Variants in TIMP3 observed in about 807,000 individuals in gnomAD.
TIMP3 encodes metalloproteinase inhibitor 3.
A neutral mutation model predicts 30.0 loss-of-function variants in TIMP3; 11 were observed. The observed-to-expected ratio is 0.37, with a 90% CI of 0.23 to 0.61. The LOEUF (loss-of-function observed/expected upper bound fraction) is 0.61, where lower values mean the gene tolerates loss of function less well. TIMP3 is among the 20% of genes least tolerant of loss of function. TIMP3 has a pLI of 0.70. For synonymous variants in TIMP3, 112 were observed against 111.3 expected, an observed-to-expected ratio of 1.01 and a Z score of -0.04; for missense variants, 181 against 276.8, an observed-to-expected ratio of 0.65 and a Z score of 2.45.
intron 1 of TIMP3, among the ~76,000 whole-genome samples, chr22:32,832,556 CA>C (rs2047606393): frequency 8.5e-6 from 1 of 117,522 alleles, no homozygotes; most frequent in Non-Finnish European, 1.8e-5. Context: ...TTTTTTTTTT[CA>C]AAAAAATTAT....
chr22:32,835,052 C>A (rs898420210), intron 1 of TIMP3, among the ~76,000 whole-genome samples: 1 of 152,188 alleles, frequency 6.6e-6, no homozygotes, highest in African/African-American at 2.4e-5. Context: ...TTTCCATTGC[C>A]TGGACCATCC....
At chr22:32,822,107 A>C (rs1477916118) in intron 1 of TIMP3, among the ~76,000 whole-genome samples, 7 of 149,510 alleles carry the variant, frequency 4.7e-5, no homozygotes, top group Admixed American at 2.7e-4. Flanking sequence ...ATGAGCCGAG[A>C]TCGCACCATT....
chr22:32,824,505 C>T (rs576785476), intron 1 of TIMP3, among the ~76,000 whole-genome samples: 8 of 152,010 alleles, frequency 5.3e-5, no homozygotes, highest in Non-Finnish European at 1.2e-4. Context: ...CTGGAGCTCA[C>T]TGAAGAATCA....
At chr22:32,810,238 C>T (rs117533839) in intron 1 of TIMP3, among the ~76,000 whole-genome samples, 1 of 152,168 alleles carries the variant, frequency 6.6e-6, no homozygotes. Flanking sequence ...CCCAGAGAAC[C>T]TTTCCTGACC....
At chr22:32,829,912 G>C (rs924154149) in intron 1 of TIMP3, among the ~76,000 whole-genome samples, 10 of 152,222 alleles carry the variant, frequency 6.6e-5, no homozygotes, top group African/African-American at 2.4e-4. Context: ...TGAGAAATGA[G>C]CATTTTCCAG....
chr22:32,824,885 T>C (rs1186386347), intron 1 of TIMP3, among the ~76,000 whole-genome samples: 1 of 152,194 alleles, frequency 6.6e-6, no homozygotes, highest in Non-Finnish European at 1.5e-5. Context: ...ACCAGAGTAC[T>C]TTTATAAGAA....
chr22:32,835,992 A>G (rs2047719380), intron 1 of TIMP3, among the ~76,000 whole-genome samples: 1 of 152,196 alleles, frequency 6.6e-6, no homozygotes, highest in Admixed American at 6.5e-5. Flanking sequence ...CGCATTTCCA[A>G]TGCATTTGAC....
At chr22:32,851,178 G>A (rs760968534) in intron 2 of TIMP3, among the ~76,000 whole-genome samples, 3 of 152,168 alleles carry the variant, frequency 2.0e-5, no homozygotes, top group Non-Finnish European at 2.9e-5. Flanking sequence ...GGCAGACAGC[G>A]CGGGAATGCC....
chr22:32,822,652 C>T (rs1309539857), intron 1 of TIMP3, among the ~76,000 whole-genome samples: 7 of 152,136 alleles, frequency 4.6e-5, no homozygotes, highest in African/African-American at 1.7e-4. Flanking sequence ...GATTATGGTG[C>T]GTTCATACAG....
At chr22:32,834,053 A>C (rs2047657950) in intron 1 of TIMP3, among the ~76,000 whole-genome samples, 1 of 152,174 alleles carries the variant, frequency 6.6e-6, no homozygotes, top group African/African-American at 2.4e-5. Context: ...CTCCGAGAGC[A>C]CTGGCATATA....
chr22:32,858,373 G>A (rs2048436800), intron 4 of TIMP3, among the ~76,000 whole-genome samples: 1 of 152,198 alleles, frequency 6.6e-6, no homozygotes, highest in African/African-American at 2.4e-5. Flanking sequence ...CCTCCATGAT[G>A]ACCACTTGGA....
chr22:32,817,610 A>G (rs2146036202), intron 1 of TIMP3, among the ~76,000 whole-genome samples: 1 of 152,308 alleles, frequency 6.6e-6, no homozygotes, highest in South Asian at 2.1e-4. Flanking sequence ...AAAAGGAGGA[A>G]GGGAAGGCTG....
chr22:32,804,432 T>C (rs2046671015), intron 1 of TIMP3, among the ~76,000 whole-genome samples: 1 of 152,320 alleles, frequency 6.6e-6, no homozygotes, highest in Non-Finnish European at 1.5e-5. Context: ...TCCCCATTCC[T>C]TGGGACCCAC....
intron 1 of TIMP3, among the ~76,000 whole-genome samples, chr22:32,826,870 C>A (rs2047429489): frequency 6.6e-6 from 1 of 152,160 alleles, no homozygotes; most frequent in South Asian, 2.1e-4. Flanking sequence ...ATCCCTGTGA[C>A]AACCCTAGGA....
chr22:32,809,373 T>C (rs768282788), intron 1 of TIMP3, among the ~76,000 whole-genome samples: 7 of 152,202 alleles, frequency 4.6e-5, no homozygotes, highest in Non-Finnish European at 1.0e-4. Flanking sequence ...TCAGTCTGCT[T>C]ATCTTTGGTT....
intron 1 of TIMP3, among the ~76,000 whole-genome samples, chr22:32,819,981 T>C (rs1051612200): frequency 6.0e-4 from 91 of 152,232 alleles, no homozygotes; most frequent in Non-Finnish European, 2.4e-4. Flanking sequence ...CCATTAGCTT[T>C]TTTGTTTGTT....
chr22:32,833,556 G>T (rs537273268), intron 1 of TIMP3, among the ~76,000 whole-genome samples: 1 of 152,278 alleles, frequency 6.6e-6, no homozygotes, highest in Admixed American at 6.5e-5. Flanking sequence ...GACCCTGAAG[G>T]TCCCACCCAA....
intron 1 of TIMP3, among the ~76,000 whole-genome samples, chr22:32,805,412 C>T (rs1329382145): frequency 6.6e-6 from 1 of 152,168 alleles, no homozygotes; most frequent in Non-Finnish European, 1.5e-5. Context: ...ACAATTACAC[C>T]TCAACACTGG....
chr22:32,807,209 G>A (rs750906607), intron 1 of TIMP3, among the ~76,000 whole-genome samples: 6 of 147,030 alleles, frequency 4.1e-5, no homozygotes, highest in Non-Finnish European at 8.9e-5. Context: ...ACCTTGAAAT[G>A]TCTTGTCTCT....
Sources: gnomAD v4.1 joint callset for allele counts (sites outside exome capture counted in the v4.1 genomes callset) on GRCh38, gnomAD v4.1.1 for gene constraint, MANE v1.5 for transcripts, NCBI Gene and HGNC (gene_info 2026-07-23, HGNC 2026-07-21) for gene names.